PPP2R1B: variants seen among roughly 807,000 people sequenced by gnomAD.
PPP2R1B encodes the protein serine/threonine-protein phosphatase 2A 65 kDa regulatory subunit A beta isoform.
A neutral mutation model predicts 72.7 loss-of-function variants in PPP2R1B; 58 were observed. The observed-to-expected ratio is 0.80, with a 90% CI of 0.65 to 0.99. The LOEUF (loss-of-function observed/expected upper bound fraction) is 0.99, where lower values mean the gene tolerates loss of function less well. PPP2R1B is among the 50% of genes least tolerant of loss of function. The pLI is 0.00. For synonymous variants in PPP2R1B, 256 were observed against 264.6 expected, an observed-to-expected ratio of 0.97 and a Z score of 0.32; for missense variants, 695 against 733.6, an observed-to-expected ratio of 0.95 and a Z score of 0.61.
chr11:111,760,644 A>C (rs1945290144), intron 4 of PPP2R1B, among the ~76,000 whole-genome samples, 175 bp downstream of exon 4: 1 of 151,964 alleles, frequency 6.6e-6, no homozygotes, highest in Non-Finnish European at 1.5e-5. Context: ...GCAAGACCTT[A>C]TCTCTTAAAA....
chr11:111,753,421 C>T (rs781927016), intron 9 of PPP2R1B, 22 bp downstream of exon 9: 6 of 1,601,854 alleles, frequency 3.7e-6, no homozygotes, highest in Non-Finnish European at 4.2e-6. Flanking sequence ...TCAAAGGCAA[C>T]AGAACATAAA....
At chr11:111,724,012 G>C, downstream of PPP2R1B, 1 of 1,614,182 alleles carries the variant, frequency 6.2e-7, no homozygotes, top group Non-Finnish European at 8.5e-7. Flanking sequence ...GCCCAGGACT[G>C]CAAGAGGCCC....
chr11:111,703,889 G>C, the PPP2R1B span, among the ~76,000 whole-genome samples: 2 of 152,158 alleles, frequency 1.3e-5, no homozygotes, highest in Non-Finnish European at 2.9e-5. Flanking sequence ...TCCTGATTTG[G>C]AAGTATTAGG....
the PPP2R1B span, among the ~76,000 whole-genome samples, chr11:111,698,242 G>T: frequency 6.6e-6 from 1 of 152,206 alleles, no homozygotes; most frequent in Admixed American, 6.5e-5. Context: ...GTAAAGCAGA[G>T]GTTGAAACTG....
intron 11 of PPP2R1B, among the ~76,000 whole-genome samples, chr11:111,747,254 C>T (rs141039743): frequency 2.4e-4 from 37 of 152,276 alleles, no homozygotes; most frequent in African/African-American, 8.2e-4. Flanking sequence ...CTGGCAGAGA[C>T]GGTACATCTG....
At chr11:111,729,827 C>G (rs905951594) in intron 15 of PPP2R1B, 1 of 152,282 alleles carries the variant, frequency 6.6e-6, no homozygotes, top group African/African-American at 2.4e-5. Context: ...CTGAGGGAGA[C>G]AAAAACCCCG....
At chr11:111,765,040 T>C in intron 2 of PPP2R1B, 135 bp from the exon 3 acceptor site, 1 of 1,408,552 alleles carries the variant, frequency 7.1e-7, no homozygotes, top group Non-Finnish European at 9.4e-7. Context: ...TTTTCTTTCT[T>C]CTCAACCGTC....
chr11:111,752,135 G>A (rs1944929715), intron 10 of PPP2R1B, 24 bp downstream of exon 10: 1 of 1,582,020 alleles, frequency 6.3e-7, no homozygotes, highest in South Asian at 1.2e-5. Context: ...CTACCCTGCA[G>A]TTCATGGAGC....
At position 111,740,064 on chromosome 11, in the gene PPP2R1B, T is replaced by A; in HGVS notation, c.*1532A>T. 1.0e-6 allele frequency: 1 copy of A among 985,366 alleles called. No individual in the cohort carries two copies. Among genetic ancestry groups the A allele is most frequent in the African/African-American group, 1.7e-5 (1 of 57,368 alleles). The allele number at this position is 985,366 out of a possible 1,614,324, so 61.0% of individuals were successfully genotyped here. On this transcript the variant is annotated 3_prime_UTR_variant, in exon 15 of 15. Coordinates refer to ENST00000527614, the MANE Select transcript of PPP2R1B (RefSeq NM_002716.5). ...CCTTCACTAAACAGAACAGGACTTGTTAGATTTAAAAGAGGTTGTGAACAA... is the reference window on the plus strand; with the variant it reads ...CCTTCACTAAACAGAACAGGACTTGATAGATTTAAAAGAGGTTGTGAACAA...
intron 3 of PPP2R1B, among the ~76,000 whole-genome samples, chr11:111,763,864 C>A (rs1416381374): frequency 1.8e-4 from 28 of 151,654 alleles, no homozygotes; most frequent in African/African-American, 6.5e-4. Flanking sequence ...CTCTCTCTCT[C>A]TCTCTATATA....
chr11:111,760,754 C>T (rs1945293430), intron 4 of PPP2R1B, 65 bp downstream of exon 4: 4 of 1,437,234 alleles, frequency 2.8e-6, no homozygotes, highest in East Asian at 4.9e-5. Flanking sequence ...CCCAGTAATC[C>T]CAAATAACTC....
the PPP2R1B span, chr11:111,721,785 T>C: frequency 2.0e-6 from 3 of 1,498,930 alleles, no homozygotes; most frequent in African/African-American, 4.2e-5. Context: ...GAGACGTTTT[T>C]CCCCATGGGG....
the PPP2R1B span, among the ~76,000 whole-genome samples, chr11:111,688,558 C>T: frequency 9.9e-5 from 15 of 152,186 alleles, no homozygotes; most frequent in South Asian, 2.1e-4. The surrounding 1 kb of genome is among the most constrained non-coding windows in gnomAD (Gnocchi z 4.2). Flanking sequence ...AGAGAAAAGG[C>T]AAAAGAAGTG....
At chr11:111,721,076 G>T in the PPP2R1B span, 2 of 1,604,376 alleles carry the variant, frequency 1.2e-6, no homozygotes, top group South Asian at 2.2e-5. Context: ...GGTACCTTGG[G>T]CCCTTCCCTC....
chr11:111,701,733 A>G, the PPP2R1B span, among the ~76,000 whole-genome samples: 1 of 152,192 alleles, frequency 6.6e-6, no homozygotes, highest in Non-Finnish European at 1.5e-5. This position sits in a 1 kb window ranked among gnomAD's most constrained non-coding sequence, Gnocchi z 4.2. Context: ...TCCTTTATGT[A>G]GGCGAGACAG....
intron 11 of PPP2R1B, among the ~76,000 whole-genome samples, chr11:111,744,159 T>C (rs1167924668): frequency 6.6e-6 from 1 of 152,238 alleles, no homozygotes; most frequent in Non-Finnish European, 1.5e-5. Flanking sequence ...CAGAGCATTA[T>C]GAAAGACTTA....
the PPP2R1B span, chr11:111,720,049 T>G: frequency 1.3e-6 from 2 of 1,562,484 alleles, no homozygotes; most frequent in Non-Finnish European, 1.7e-6. Flanking sequence ...TGGCATCATG[T>G]CATACTCCAA....
intron 13 of PPP2R1B, 150 bp from the exon 14 acceptor site, chr11:111,742,294 G>A (rs1040045633): frequency 2.0e-4 from 156 of 792,660 alleles, no homozygotes; most frequent in Middle Eastern, 3.5e-4. Flanking sequence ...AATGTCTAAA[G>A]AAATTCTCAG....
chr11:111,723,661 C>T (rs1165542694), downstream of PPP2R1B: 1 of 1,613,738 alleles, frequency 6.2e-7, no homozygotes, highest in South Asian at 1.1e-5. Flanking sequence ...TCAGCCTGAC[C>T]CAGCCCCTGA....
Sources: allele counts gnomAD v4.1 joint callset (sites outside exome capture counted in the v4.1 genomes callset), GRCh38; gene constraint gnomAD v4.1.1; non-coding constraint Gnocchi (gnomAD v3.1); transcripts MANE v1.5; gene names NCBI Gene and HGNC (gene_info 2026-07-23, HGNC 2026-07-21).